The following GPR107 variants were observed in gnomAD, a reference collection of about 807,000 sequenced individuals.
GPR107 encodes G protein-coupled receptor 107.
In GPR107, 31 loss-of-function variants were observed where a neutral mutation model predicts 75.5. That is an observed-to-expected ratio of 0.41 (90% confidence interval 0.31 to 0.55). The LOEUF (loss-of-function observed/expected upper bound fraction) is 0.55, where lower values mean the gene tolerates loss of function less well. GPR107 is among the 20% of genes least tolerant of loss of function. The pLI, the probability that GPR107 is intolerant of heterozygous loss-of-function variation, is 0.26. For synonymous variants in GPR107, 267 were observed against 251.3 expected (o/e 1.06, Z -0.59); for missense variants, 572 against 665.7 (o/e 0.86, Z 1.55).
chr9:130,132,722 G>T (rs562183448), intron 17 of GPR107, among the ~76,000 whole-genome samples: 2 of 151,958 alleles, frequency 1.3e-5, no homozygotes, highest in African/African-American at 4.8e-5. Flanking sequence ...GGAGACGGAG[G>T]TTGCAGTGAG....
rs782327318 is a variant in GPR107 at position 130,135,126 on chromosome 9, G to A, written c.*5G>A. 1 of 1,555,886 alleles carries A rather than the reference G, an allele frequency of 6.4e-7. No homozygotes were observed. ...GAGTGGGAAGGCGCCGTGTGACAGA[G>A]CCGACCCTGAGGATGGCACTGTCCA... On this transcript the variant is annotated 3_prime_UTR_variant, in exon 18 of 18. Coordinates refer to ENST00000347136, the MANE Select transcript of GPR107 (RefSeq NM_020960.5).
chr9:130,084,047 C>CATATATATATGTATATATATATAT (rs1554892943), intron 6 of GPR107, among the ~76,000 whole-genome samples: 22 of 130,906 alleles, frequency 1.7e-4, no homozygotes, highest in African/African-American at 6.2e-4. Context: ...AGAGAGCTAA[C>CATATATATATGTATATATATATAT]ATATATATAT....
chr9:130,058,540 C>T (rs1241419302), intron 1 of GPR107, among the ~76,000 whole-genome samples: 3 of 151,992 alleles, frequency 2.0e-5, no homozygotes, highest in Non-Finnish European at 4.4e-5. Flanking sequence ...TCTCGGCTCA[C>T]TGCAACCTCT....
intron 14 of GPR107, chr9:130,108,829 C>CT (rs771764855): frequency 2.6e-4 from 48 of 187,390 alleles, no homozygotes; most frequent in Non-Finnish European, 5.1e-4. Flanking sequence ...TTTTCAGTGG[C>CT]TTTAAGCAGG....
At chr9:130,124,778 C>A in intron 14 of GPR107, 137 bp from the exon 15 acceptor site, 1 of 612,920 alleles carries the variant, frequency 1.6e-6, no homozygotes, top group Non-Finnish European at 2.8e-6. Context: ...GACTTGATTC[C>A]AGATAGATGG....
At chr9:130,067,752 C>CCTTT (rs1554890696) in intron 1 of GPR107, among the ~76,000 whole-genome samples, 6 of 116,832 alleles carry the variant, frequency 5.1e-5, no homozygotes, top group African/African-American at 9.7e-5. Flanking sequence ...CCACCGCCCC[C>CCTTT]TTTTTTTTTT....
intron 1 of GPR107, among the ~76,000 whole-genome samples, chr9:130,062,660 G>GCCTGCCTGCCTT (rs1300037621): frequency 6.1e-4 from 42 of 69,112 alleles, no homozygotes; most frequent in South Asian, 3.7e-3. Context: ...CTGCCTGCCT[G>GCCTGCCTGCCTT]CCTTCCTTCC....
chr9:130,132,816 TA>T (rs1831859854), intron 17 of GPR107, among the ~76,000 whole-genome samples: 3 of 106,266 alleles, frequency 2.8e-5, no homozygotes, highest in Admixed American at 8.8e-5. Flanking sequence ...AATATATATA[TA>T]TTTTTATATA....
At chr9:130,106,194 TACA>T (rs2132617927) in intron 13 of GPR107, among the ~76,000 whole-genome samples, 1 of 152,274 alleles carries the variant, frequency 6.6e-6, no homozygotes, top group South Asian at 2.1e-4. Flanking sequence ...CCTTGTTAAT[TACA>T]ACACTAATGA....
Position 130,079,575 on chromosome 9 carries a change from C to A in GPR107, c.387-55C>A, listed in dbSNP as rs563886453. On this transcript the variant is annotated intron_variant, in intron 4 of 17. Coordinates refer to ENST00000347136, the MANE Select transcript of GPR107 (RefSeq NM_020960.5). ...GCACAGGGCCTACACGCAGCGTGCTCAGTGGCCAGGAGCACTGCTTTGACC... is the reference window on the plus strand; with the variant it reads ...GCACAGGGCCTACACGCAGCGTGCTAAGTGGCCAGGAGCACTGCTTTGACC... 3.7e-5 allele frequency: 57 copies of A among 1,527,284 alleles called. No homozygotes were observed. The East Asian group carries it at 1.0e-3, about 28-fold the overall frequency. 94.6% of individuals were successfully genotyped at this position (1,527,284 alleles called of 1,614,324 possible). A position where few individuals can be genotyped will look rare whatever the true frequency, so the allele number is the denominator to read the frequency against.
At chr9:130,093,374 G>A (rs1438884569) in intron 9 of GPR107, among the ~76,000 whole-genome samples, 1 of 152,148 alleles carries the variant, frequency 6.6e-6, no homozygotes, top group African/African-American at 2.4e-5. Flanking sequence ...CATAAACTGA[G>A]TAAATGATAG....
At chr9:130,081,537 G>A (rs1162864352) in intron 5 of GPR107, among the ~76,000 whole-genome samples, 2 of 152,032 alleles carry the variant, frequency 1.3e-5, no homozygotes, top group Non-Finnish European at 2.9e-5. Context: ...GCCGGGCATG[G>A]TGGCACGTGC....
chr9:130,085,925 A>AT (rs1346506841), intron 6 of GPR107, among the ~76,000 whole-genome samples: 4 of 151,618 alleles, frequency 2.6e-5, no homozygotes, highest in Middle Eastern at 6.8e-3. Flanking sequence ...TGATTTTTGT[A>AT]TTTTTAGTAG....
chr9:130,109,069 G>A (rs1377707272), intron 14 of GPR107, among the ~76,000 whole-genome samples: 4 of 140,850 alleles, frequency 2.8e-5, no homozygotes, highest in African/African-American at 8.0e-5. Flanking sequence ...GCATGATCTC[G>A]GCTTACTGCA....
intron 15 of GPR107, among the ~76,000 whole-genome samples, chr9:130,126,433 C>T (rs888892179): frequency 3.3e-5 from 5 of 151,238 alleles, no homozygotes; most frequent in Non-Finnish European, 4.4e-5. Context: ...GCAACCTCCG[C>T]CTCTTGGGTT....
At chr9:130,113,734 G>C (rs1831358713) in intron 14 of GPR107, among the ~76,000 whole-genome samples, 1 of 152,208 alleles carries the variant, frequency 6.6e-6, no homozygotes, top group South Asian at 2.1e-4. Context: ...GGATGGACCA[G>C]TGGAGTTTAT....
rs374973373 is a variant in GPR107 at position 130,068,643 on chromosome 9, A to T, written c.142-6993A>T. 5.9e-5 allele frequency among the ~76,000 whole-genome samples: 9 copies of T among 152,198 alleles called. No individual in the cohort carries two copies. In the East Asian group the frequency reaches 1.2e-3, roughly 20 times the overall value. The stretch of plus-strand genomic sequence containing the variant: ...AAGCAGTTTAATATGAAGTCGGTGC[A>T]GAAGTTCTGACATTTAGTTAAAATA... On this transcript the variant is annotated intron_variant, in intron 1 of 17. Transcript: ENST00000347136.
intron 17 of GPR107, chr9:130,130,031 G>A (rs1401297997): frequency 6.6e-6 from 1 of 152,080 alleles, no homozygotes; most frequent in African/African-American, 2.4e-5. Flanking sequence ...ATTTTGTTTT[G>A]GTGCTTCTTT....
Position 130,137,347 on chromosome 9 carries a change from A to T in GPR107, c.*2226A>T, listed in dbSNP as rs1408964858. 1.3e-5 allele frequency: 2 copies of T among 152,336 alleles called. No individual in the cohort carries two copies. Among genetic ancestry groups the T allele is most frequent in the East Asian group, 1.9e-4 (1 of 5,200 alleles). The allele number at this position is 152,336 out of a possible 1,614,324, so 9.4% of individuals were successfully genotyped here. On this transcript the variant is annotated 3_prime_UTR_variant, in exon 18 of 18. Transcript: ENST00000347136. Reference sequence around the variant, plus strand: ...GGGAACGCCAGCGTTGGGTGTTCAGATTCCACGCGTATGTCTGGGCTCACT... The same window carrying T: ...GGGAACGCCAGCGTTGGGTGTTCAGTTTCCACGCGTATGTCTGGGCTCACT...
Sources: gnomAD v4.1 joint callset for allele counts (sites outside exome capture counted in the v4.1 genomes callset) on GRCh38, gnomAD v4.1.1 for gene constraint, MANE v1.5 for transcripts, NCBI Gene and HGNC (gene_info 2026-07-23, HGNC 2026-07-21) for gene names.